Variants in PPRC1 observed in about 807,000 individuals in gnomAD.
PPRC1 encodes the protein peroxisome proliferator-activated receptor gamma coactivator-related protein 1.
Under a neutral mutation model 132.5 loss-of-function variants are expected in PPRC1, and 23 were observed. The ratio of observed to expected loss-of-function variants is 0.17; its 90% CI spans 0.12 to 0.25. The LOEUF (loss-of-function observed/expected upper bound fraction) is 0.25. Ranked by LOEUF, PPRC1 falls within the 10% of genes least tolerant of loss-of-function variation. The pLI, the probability that PPRC1 is intolerant of heterozygous loss-of-function variation, is 1.00. For missense variants in PPRC1, 2,006 were observed against 2,089.1 expected (o/e 0.96, Z 0.78); for synonymous variants, 872 against 833.5 (o/e 1.05, Z -0.80).
At chr10:102,128,921 GTC>G (rs2068501837), upstream of PPRC1, among the ~76,000 whole-genome samples, 4 of 123,030 alleles carry the variant, frequency 3.3e-5, no homozygotes, top group Non-Finnish European at 6.7e-5. Context: ...GCCAGCGGCA[GTC>G]TTTTTTTTTT....
At chr10:102,131,274 G>A (rs1234758755), upstream of PPRC1, among the ~76,000 whole-genome samples, 1 of 151,822 alleles carries the variant, frequency 6.6e-6, no homozygotes, top group Non-Finnish European at 1.5e-5. Context: ...GAGGCAGATG[G>A]ATCCTTTGAG....
intron 5 of PPRC1, 70 bp downstream of exon 5, chr10:102,142,074 C>A: frequency 6.7e-7 from 1 of 1,482,940 alleles, no homozygotes; most frequent in South Asian, 1.3e-5. Flanking sequence ...GATAAGCCAC[C>A]CTGATGAGGC....
rs765968753 is a variant in PPRC1 at position 102,139,514 on chromosome 10, G to C, written c.1006G>C (p.Asp336His). ...GGATGAGCTTCAGGAGCAGCCAGAT[G>C]ATTTGACACTGCCTGAGGGCTGCGT... Reference protein sequence around the residue: ...LEDELQEQPDDLTLPEGCVVL... With the variant: ...LEDELQEQPDHLTLPEGCVVL... The change falls in exon 5 of 14, where the codon GAT (aspartate) becomes CAT (histidine). Residue 336 changes from aspartate (D) to histidine (H), a missense_variant. Asp to His is a moderately conservative substitution (Grantham distance 81). This residue lies in a region of PPRC1 where 1,914 missense variants were observed against 1,917.2 expected (regional missense o/e 1.00). Coordinates refer to ENST00000278070, the MANE Select transcript of PPRC1 (RefSeq NM_015062.5). 5.6e-6 allele frequency: 9 copies of C among 1,614,044 alleles called. No individual in the cohort carries two copies. The highest frequency in any genetic ancestry group is 7.6e-6 in the Non-Finnish European group (9 of 1,179,964).
Position 102,140,439 on chromosome 10 carries a change from C to T in PPRC1, c.1931C>T (p.Pro644Leu), listed in dbSNP as rs2068910723. ...PVLADSAAVD[P>L]AVVPISDNLP... is the part of the protein sequence containing the mutation. ...CTGGCTGACTCAGCAGCAGTTGACC[C>T]TGCAGTGGTTCCCATCTCAGATAAC... The change falls in exon 5 of 14, where the codon CCT becomes CTT. Residue 644 changes from proline to leucine, a missense_variant. Physicochemically the swap from Pro to Leu is moderately conservative, Grantham distance 98 (BLOSUM62 -3). Around this residue, in one of 2 missense-constraint regions of PPRC1, gnomAD observed 1,914 missense variants for 1,917.2 expected, o/e 1.00. Coordinates refer to ENST00000278070, the MANE Select transcript of PPRC1 (RefSeq NM_015062.5). The T allele has an allele frequency of 6.2e-7, 1 of 1,614,178 alleles. No homozygotes were observed. Among genetic ancestry groups the T allele is most frequent in the Non-Finnish European group, 8.5e-7 (1 of 1,180,030 alleles).
At position 102,147,372 on chromosome 10, in the gene PPRC1, C is replaced by G. The variant is rs200472653; in HGVS notation, c.4380C>G (p.Pro1460=). 40 of 1,605,936 alleles carry G rather than the reference C, an allele frequency of 2.5e-5. No homozygotes were observed. In the Admixed American group the frequency reaches 2.8e-4, roughly 11 times the overall value. Residue 1460 remains proline (P), a synonymous_variant, in exon 9 of 14, where the codon CCC becomes CCG. Transcript: ENST00000278070. The stretch of plus-strand genomic sequence containing the variant: ...GATCTCGGTCCAGGTCCCTCTCCCC[C>G]CCACACAAGAGGTGGCGAAGGTGAG... The part of the protein sequence containing the change: ...SSRSRSRSLS[P]PHKRWRRSSC...
At chr10:102,143,891 A>G (rs1462790177) in intron 6 of PPRC1, among the ~76,000 whole-genome samples, 4 of 152,226 alleles carry the variant, frequency 2.6e-5, no homozygotes, top group African/African-American at 9.7e-5. Context: ...ATCTACAGAA[A>G]TGATTCCTGA....
chr10:102,135,464 C>T (rs1007303000), intron 1 of PPRC1, among the ~76,000 whole-genome samples: 5 of 152,122 alleles, frequency 3.3e-5, no homozygotes, highest in Non-Finnish European at 5.9e-5. Flanking sequence ...CTGCAACCTC[C>T]ATCTCCTGGG....
chr10:102,127,067 AT>A, the PPRC1 span, among the ~76,000 whole-genome samples: 3,108 of 95,184 alleles, frequency 0.033, 252 homozygotes, highest in Non-Finnish European at 0.04. Context: ...ATATATATAT[AT>A]AAATTAAAAA....
chr10:102,143,546 C>G (rs1191357978), intron 6 of PPRC1, among the ~76,000 whole-genome samples: 1 of 150,598 alleles, frequency 6.6e-6, no homozygotes, highest in Non-Finnish European at 1.5e-5. Context: ...TTGCAGTGAG[C>G]CGAGATCGTG....
chr10:102,124,725 C>G, the PPRC1 span, among the ~76,000 whole-genome samples: 15 of 151,746 alleles, frequency 9.9e-5, no homozygotes, highest in Non-Finnish European at 1.6e-4. Flanking sequence ...TAACTGCAGC[C>G]TCAAACTTCT....
Position 102,149,180 on chromosome 10 carries a change from A to G in PPRC1, c.4742A>G (p.Asp1581Gly), listed in dbSNP as rs2069405335. 6.3e-7 allele frequency: 1 copy of G among 1,582,650 alleles called. No individual in the cohort carries two copies. Among genetic ancestry groups the G allele is most frequent in the Non-Finnish European group, 8.6e-7 (1 of 1,163,148 alleles). The change falls in exon 13 of 14, where the codon GAC becomes GGC. Residue 1581 changes from aspartate (D) to glycine (G), a missense_variant and splice_region_variant. Coordinates refer to ENST00000278070, the MANE Select transcript of PPRC1 (RefSeq NM_015062.5). ...ECTIHFRVQG[D>G]NYGFVTYRYA... ...CTGCCTCACTCTCCTCCTACTAGGG[A>G]CAACTACGGCTTCGTCACTTATCGC...
upstream of PPRC1, among the ~76,000 whole-genome samples, chr10:102,132,838 A>G (rs970410033): frequency 6.6e-6 from 1 of 152,234 alleles, no homozygotes; most frequent in African/African-American, 2.4e-5. Context: ...ACTAAGCCCT[A>G]CAGGATGCCT....
rs1161543081 is a variant in PPRC1 at position 102,141,254 on chromosome 10, C to T, written c.2746C>T (p.His916Tyr). Residue 916 changes from histidine (H) to tyrosine (Y), a missense_variant, in exon 5 of 14, where the codon CAC (histidine) becomes TAC (tyrosine). Transcript: ENST00000278070. ...MGPVLPDPFT[H>Y]YAPLPSWPCY... Reference sequence around the variant, plus strand: ...GCCAGTACTACCTGATCCGTTTACTCACTATGCCCCCTTGCCATCCTGGCC... The same window carrying T: ...GCCAGTACTACCTGATCCGTTTACTTACTATGCCCCCTTGCCATCCTGGCC... The T allele has an allele frequency of 1.9e-6, 3 of 1,614,124 alleles. No individual in the cohort carries two copies. Among genetic ancestry groups the T allele is most frequent in the Non-Finnish European group, 8.5e-7 (1 of 1,179,994 alleles).
the PPRC1 span, among the ~76,000 whole-genome samples, chr10:102,123,493 C>G: frequency 6.6e-6 from 1 of 152,146 alleles, no homozygotes; most frequent in Non-Finnish European, 1.5e-5. Flanking sequence ...TCTCTCTCTC[C>G]CTCTGTATGT....
In PPRC1 at chr10:102,137,915, G is replaced by GA; in HGVS notation, c.220dup (p.Arg74LysfsTer15). 1 of 1,614,186 alleles carries GA rather than the reference G, an allele frequency of 6.2e-7. No homozygotes were observed. Among genetic ancestry groups the GA allele is most frequent in the Non-Finnish European group, 8.5e-7 (1 of 1,180,020 alleles). ...GTCTCTCTCGGCTGGGCCCATCTCT[G>GA]AGGGACAAGGACCTGGAAATGGAGG... On this transcript the variant is annotated frameshift_variant, in exon 2 of 14. Coordinates refer to ENST00000278070, the MANE Select transcript of PPRC1 (RefSeq NM_015062.5). LOFTEE classifies it high-confidence loss of function.
chr10:102,120,785 C>G, the PPRC1 span, among the ~76,000 whole-genome samples: 1 of 152,140 alleles, frequency 6.6e-6, no homozygotes, highest in African/African-American at 2.4e-5. Context: ...GGGAGTCTGG[C>G]TGAGCCGGAG....
In PPRC1 at chr10:102,139,367, G is replaced by T. The variant is rs146882245; in HGVS notation, c.859G>T (p.Ala287Ser). Reference sequence around the variant, plus strand: ...GGCCTGCCCTGAGGAGGAAGATAAAGCAACAGCAGCAGAGATGGCAGTGCC... The same window carrying T: ...GGCCTGCCCTGAGGAGGAAGATAAATCAACAGCAGCAGAGATGGCAGTGCC... The part of the protein sequence containing the change: ...HLACPEEEDK[A>S]TAAEMAVPAA... Residue 287 changes from alanine to serine, a missense_variant, in exon 5 of 14, where the codon GCA (alanine) becomes TCA (serine). Ala to Ser is a moderately conservative substitution (Grantham distance 99). Coordinates refer to ENST00000278070, the MANE Select transcript of PPRC1 (RefSeq NM_015062.5). The T allele has an allele frequency of 1.2e-6, 2 of 1,614,230 alleles. No homozygotes were observed. The highest frequency in any genetic ancestry group is 2.2e-5 in the South Asian group (2 of 91,086).
chr10:102,127,019 TCATATATATATATATATATATATA>T, the PPRC1 span, among the ~76,000 whole-genome samples: 22 of 78,884 alleles, frequency 2.8e-4, no homozygotes, highest in African/African-American at 9.8e-4. Flanking sequence ...TGGTTTTTTA[TCATATATATATATATATATATATA>T]TATATATATA....
At chr10:102,144,339 C>T (rs1229284089) in intron 7 of PPRC1, 32 bp downstream of exon 7, 6 of 1,603,778 alleles carry the variant, frequency 3.7e-6, no homozygotes, top group Middle Eastern at 1.9e-4. Context: ...AGTTACCCTA[C>T]AGCTGTTAGT....
Sources: gnomAD v4.1 joint callset for allele counts (sites outside exome capture counted in the v4.1 genomes callset) on GRCh38, gnomAD v4.1.1 for gene constraint, gnomAD v4.1.1 regional missense constraint, MANE v1.5 for transcripts, NCBI Gene and HGNC (gene_info 2026-07-23, HGNC 2026-07-21) for gene names.